The following CAMK2D variants were observed in gnomAD, a reference collection of about 807,000 sequenced individuals.
The protein encoded by CAMK2D is calcium/calmodulin dependent protein kinase II delta, also known as calcium/calmodulin-dependent protein kinase type II subunit delta.
CAMK2D carries 37 observed loss-of-function variants against 84.0 expected under a neutral mutation model. The ratio of observed to expected loss-of-function variants is 0.44; its 90% confidence interval spans 0.34 to 0.58. The LOEUF is 0.58. Ranked by LOEUF, CAMK2D falls within the 20% of genes least tolerant of loss-of-function variation. The pLI, the probability that CAMK2D is intolerant of heterozygous loss-of-function variation, is 0.02. For missense variants in CAMK2D, 448 were observed against 652.5 expected, an observed-to-expected ratio of 0.69 and a Z score of 3.41; for synonymous variants, 202 against 212.5, an observed-to-expected ratio of 0.95 and a Z score of 0.43.
chr4:113,590,551 A>G (rs2098867172), intron 4 of CAMK2D, among the ~76,000 whole-genome samples: 1 of 152,204 alleles, frequency 6.6e-6, no homozygotes, highest in Admixed American at 6.5e-5. Flanking sequence ...CTATCACTAC[A>G]CGAGAACAGC....
At chr4:113,732,752 C>T (rs976515058) in intron 2 of CAMK2D, among the ~76,000 whole-genome samples, 9 of 152,154 alleles carry the variant, frequency 5.9e-5, no homozygotes, top group Non-Finnish European at 1.0e-4. Flanking sequence ...AGGAGCTAAA[C>T]GTGAATTTTC....
intron 4 of CAMK2D, among the ~76,000 whole-genome samples, chr4:113,601,442 C>A (rs561791291): frequency 1.1e-4 from 17 of 151,164 alleles, no homozygotes; most frequent in African/African-American, 2.9e-4. Context: ...AAAAAAAAAA[C>A]CACTAAAATT....
chr4:113,507,020 A>ATGAG (rs1451714931), intron 13 of CAMK2D, among the ~76,000 whole-genome samples: 1 of 152,112 alleles, frequency 6.6e-6, no homozygotes, highest in Non-Finnish European at 1.5e-5. Flanking sequence ...TATGGGAAAC[A>ATGAG]TGAGTTAAAT....
chr4:113,727,293 T>C (rs1253956913), intron 2 of CAMK2D, among the ~76,000 whole-genome samples: 1 of 152,164 alleles, frequency 6.6e-6, no homozygotes, highest in African/African-American at 2.4e-5. Context: ...TGAAAAAGAA[T>C]AAAATTCACT....
At chr4:113,467,036 T>C (rs2097482352) in intron 16 of CAMK2D, among the ~76,000 whole-genome samples, 1 of 152,220 alleles carries the variant, frequency 6.6e-6, no homozygotes, top group Non-Finnish European at 1.5e-5. Context: ...TTTAATCAAT[T>C]GAGACTAATA....
chr4:113,473,305 T>G (rs1392515573), intron 16 of CAMK2D, among the ~76,000 whole-genome samples: 1 of 152,226 alleles, frequency 6.6e-6, no homozygotes, highest in Non-Finnish European at 1.5e-5. Flanking sequence ...ATGCTCTTGG[T>G]AGTTTTACAG....
At chr4:113,751,837 C>T (rs2099618086) in intron 2 of CAMK2D, among the ~76,000 whole-genome samples, 1 of 151,756 alleles carries the variant, frequency 6.6e-6, no homozygotes, top group African/African-American at 2.4e-5. Context: ...TTTCCTGTTA[C>T]TAAACAAATT....
At chr4:113,572,449 A>T (rs551559685) in intron 4 of CAMK2D, among the ~76,000 whole-genome samples, 4 of 147,088 alleles carry the variant, frequency 2.7e-5, no homozygotes, top group Admixed American at 6.8e-5. Flanking sequence ...ATTTTTATTT[A>T]AAAAAAAAAA....
chr4:113,725,842 A>G (rs901746084), intron 2 of CAMK2D, among the ~76,000 whole-genome samples: 2 of 152,072 alleles, frequency 1.3e-5, no homozygotes, highest in Admixed American at 1.3e-4. Context: ...AAATTTGGAG[A>G]TATATATATA....
Position 113,537,357 on chromosome 4 carries a change from G to T in CAMK2D, c.501C>A (p.Asp167Glu), listed in dbSNP as rs35367671. ...DFGLAIEVQG[D>E]QQAWFGFAGT... is the part of the protein sequence containing the mutation. ...CCTACTCACCAAACCACGCCTGCTGGTCCCCTTGAACTTCTATGGCTAAGC... is the reference window on the plus strand; with the variant it reads ...CCTACTCACCAAACCACGCCTGCTGTTCCCCTTGAACTTCTATGGCTAAGC... The change falls in exon 7 of 21, where the codon GAC becomes GAA. Residue 167 changes from aspartate to glutamate, a missense_variant. Physicochemically the swap from Asp to Glu is conservative, Grantham distance 45 (BLOSUM62 2). Transcript: ENST00000511664. The T allele has an allele frequency of 4.4e-3, 7,128 of 1,606,330 alleles. 22 individuals are homozygous for T. Among genetic ancestry groups the T allele is most frequent in the Non-Finnish European group, 5.1e-3 (6,024 of 1,173,076 alleles).
rs746627747 is a variant in CAMK2D at position 113,453,048 on chromosome 4, T to G, written c.*1497A>C. ...TGAATTACTATCGTTAAAATAACAA[T>G]GATGGAGATTCCATGCACTGTAAAG... On this transcript the variant is annotated 3_prime_UTR_variant, in exon 21 of 21. Transcript: ENST00000511664. 6.6e-6 allele frequency: 1 copy of G among 152,192 alleles called. No individual in the cohort carries two copies. The highest frequency in any genetic ancestry group is 2.4e-5 in the African/African-American group (1 of 41,432). The allele number at this position is 152,192 out of a possible 1,614,324, so 9.4% of individuals were successfully genotyped here.
intron 4 of CAMK2D, among the ~76,000 whole-genome samples, chr4:113,558,842 T>C (rs971822181): frequency 6.6e-6 from 1 of 151,700 alleles, no homozygotes; most frequent in African/African-American, 2.4e-5. Context: ...GCCTGCCAGG[T>C]GGGGTGGTAT....
chr4:113,684,115 C>T (rs969509227), intron 2 of CAMK2D, among the ~76,000 whole-genome samples: 1 of 152,188 alleles, frequency 6.6e-6, no homozygotes, highest in Non-Finnish European at 1.5e-5. Flanking sequence ...GCTATGAATG[C>T]TGTTTTTGAA....
chr4:113,566,211 G>T (rs1051089876), intron 4 of CAMK2D, among the ~76,000 whole-genome samples: 2 of 152,176 alleles, frequency 1.3e-5, no homozygotes, highest in Non-Finnish European at 2.9e-5. Context: ...AGTTCAAAGA[G>T]CAGGAATCCC....
At chr4:113,663,594 A>AATG (rs1023859908) in intron 2 of CAMK2D, among the ~76,000 whole-genome samples, 19 of 148,156 alleles carry the variant, frequency 1.3e-4, no homozygotes, top group Admixed American at 2.7e-4. Context: ...GTCTAAAAAT[A>AATG]ATAATAATAA....
intron 3 of CAMK2D, among the ~76,000 whole-genome samples, chr4:113,613,889 A>C (rs1015703851): frequency 1.7e-4 from 26 of 151,994 alleles, no homozygotes; most frequent in Non-Finnish European, 3.8e-4. Context: ...TGTGCGAGAG[A>C]GAGCGAGCGA....
At chr4:113,736,153 C>T (rs2099580846) in intron 2 of CAMK2D, among the ~76,000 whole-genome samples, 1 of 151,536 alleles carries the variant, frequency 6.6e-6, no homozygotes, top group African/African-American at 2.4e-5. Flanking sequence ...AAACAACACC[C>T]AGTAACATCA....
chr4:113,461,608 T>C (rs1382258292), intron 17 of CAMK2D, among the ~76,000 whole-genome samples: 3 of 152,146 alleles, frequency 2.0e-5, no homozygotes, highest in Non-Finnish European at 4.4e-5. Flanking sequence ...GGGCCTATGG[T>C]GATCAGGGTA....
chr4:113,679,241 T>C (rs1158476079), intron 2 of CAMK2D, among the ~76,000 whole-genome samples: 1 of 152,172 alleles, frequency 6.6e-6, no homozygotes, highest in African/African-American at 2.4e-5. Flanking sequence ...CATTAAACTT[T>C]CAAAGGCTTG....
Sources: gnomAD v4.1 joint callset for allele counts (sites outside exome capture counted in the v4.1 genomes callset) on GRCh38, gnomAD v4.1.1 for gene constraint, MANE v1.5 for transcripts, NCBI Gene and HGNC (gene_info 2026-07-23, HGNC 2026-07-21) for gene names.